Variants in LSM12 observed in about 807,000 individuals in gnomAD.
LSM12 encodes protein LSM12.
For missense variants in LSM12, 108 were observed against 238.9 expected (o/e 0.45, Z 3.61); for synonymous variants, 74 against 87.3 (o/e 0.85, Z 0.85).
At chr17:44,059,308 G>T (rs1027942439) in intron 2 of LSM12, among the ~76,000 whole-genome samples, 4 of 152,156 alleles carry the variant, frequency 2.6e-5, no homozygotes, top group Non-Finnish European at 4.4e-5. Flanking sequence ...AGGGGACTTG[G>T]CCAGGTGCAG....
At position 44,046,759 on chromosome 17, in the gene LSM12, CTTTTTTTTTTTT is replaced by C. The variant is rs35839029; in HGVS notation, c.259-6515_259-6504del. Reference sequence around the variant, plus strand: ...GTCAAACTGTTTTCTTTTTTTTTTTCTTTTTTTTTTTTTTTTGCTGGAGTGCAATGGCGCGAT... The same window carrying C: ...GTCAAACTGTTTTCTTTTTTTTTTTCTTTTGCTGGAGTGCAATGGCGCGAT... On this transcript the variant is annotated intron_variant, in intron 2 of 4. Transcript: ENST00000293406. 1.9e-3 allele frequency among the ~76,000 whole-genome samples: 131 copies of C among 68,388 alleles called. 1 individual carries two copies. In the East Asian group the frequency reaches 0.037, roughly 19 times the overall value. 44.9% of individuals were successfully genotyped at this position (68,388 alleles called of 152,430 possible). A position where few individuals can be genotyped will look rare whatever the true frequency, so the allele number is the denominator to read the frequency against.
intron 2 of LSM12, among the ~76,000 whole-genome samples, chr17:44,056,946 G>A (rs968985671): frequency 6.6e-5 from 10 of 151,882 alleles, no homozygotes; most frequent in Non-Finnish European, 1.0e-4. Flanking sequence ...AGCTGTAATC[G>A]TGCCATTGCA....
intron 1 of LSM12, among the ~76,000 whole-genome samples, chr17:44,065,178 T>G (rs1441337970): frequency 6.6e-6 from 1 of 151,558 alleles, no homozygotes; most frequent in Non-Finnish European, 1.5e-5. Flanking sequence ...CTCAGGCCTG[T>G]AATCCCAGCA....
intron 2 of LSM12, among the ~76,000 whole-genome samples, chr17:44,053,918 CT>C (rs2144098288): frequency 6.6e-6 from 1 of 152,266 alleles, no homozygotes; most frequent in African/African-American, 2.4e-5. Flanking sequence ...AGTTAGAATA[CT>C]GTTCTCTTAA....
intron 2 of LSM12, 93 bp downstream of exon 2, chr17:44,063,708 A>C: frequency 7.4e-7 from 1 of 1,346,422 alleles, no homozygotes; most frequent in Non-Finnish European, 9.8e-7. Context: ...CAATTTTAAA[A>C]AATAAAAAAT....
chr17:44,061,298 C>G (rs1003138483), intron 2 of LSM12, among the ~76,000 whole-genome samples: 1 of 94,646 alleles, frequency 1.1e-5, no homozygotes, highest in Non-Finnish European at 2.0e-5. Flanking sequence ...GCCTGGGCAA[C>G]AAGAGCGAAA....
chr17:44,066,341 G>A (rs930375952), intron 1 of LSM12, 123 bp downstream of exon 1: 1 of 1,301,560 alleles, frequency 7.7e-7, no homozygotes, highest in Non-Finnish European at 1.0e-6. Context: ...TGCGCCCCGG[G>A]CGCCGCGGTA....
upstream of LSM12, among the ~76,000 whole-genome samples, chr17:44,067,046 T>G (rs2049889582): frequency 6.6e-6 from 1 of 152,316 alleles, no homozygotes; most frequent in South Asian, 2.1e-4. Flanking sequence ...ACGCCTGTAA[T>G]CCCAGCACTT....
intron 2 of LSM12, among the ~76,000 whole-genome samples, chr17:44,049,070 A>G (rs555203026): frequency 2.8e-4 from 42 of 152,260 alleles, no homozygotes; most frequent in African/African-American, 9.9e-4. Context: ...GTGCACCTGT[A>G]GTCCCAGCTA....
intron 1 of LSM12, among the ~76,000 whole-genome samples, chr17:44,064,297 G>A (rs1443647687): frequency 6.6e-6 from 1 of 152,186 alleles, no homozygotes; most frequent in Non-Finnish European, 1.5e-5. Flanking sequence ...TTTCAGATGT[G>A]AGCTTTCCCA....
intron 2 of LSM12, among the ~76,000 whole-genome samples, chr17:44,060,843 C>T (rs2049786059): frequency 6.6e-6 from 1 of 152,176 alleles, no homozygotes; most frequent in Admixed American, 6.5e-5. Flanking sequence ...GCTTAACAGT[C>T]CCATCCACAC....
At chr17:44,041,286 A>ACAAAC (rs1555623711) in intron 2 of LSM12, among the ~76,000 whole-genome samples, 1,255 of 113,448 alleles carry the variant, frequency 0.011, 4 homozygotes, top group Non-Finnish European at 0.016. Context: ...AAAAAAAAAA[A>ACAAAC]ACAAACACAC....
intron 2 of LSM12, among the ~76,000 whole-genome samples, chr17:44,063,162 A>ATTTG (rs2049822725): frequency 6.6e-6 from 1 of 152,164 alleles, no homozygotes; most frequent in Non-Finnish European, 1.5e-5. Flanking sequence ...CAGAAGGCCG[A>ATTTG]GGCAGGAGGG....
At chr17:44,054,283 A>G (rs1339625970) in intron 2 of LSM12, among the ~76,000 whole-genome samples, 1 of 152,140 alleles carries the variant, frequency 6.6e-6, no homozygotes, top group Non-Finnish European at 1.5e-5. Context: ...ATTGAATGCC[A>G]CTGAATCTCA....
intron 2 of LSM12, among the ~76,000 whole-genome samples, chr17:44,062,747 G>A (rs1038671160): frequency 4.6e-5 from 7 of 152,026 alleles, no homozygotes; most frequent in Non-Finnish European, 7.4e-5. Flanking sequence ...ATTGAGCCAG[G>A]AGCAGTGGCT....
At chr17:44,041,284 A>ACAC (rs1290820141) in intron 2 of LSM12, among the ~76,000 whole-genome samples, 18 of 123,246 alleles carry the variant, frequency 1.5e-4, no homozygotes, top group Non-Finnish European at 1.6e-4. Flanking sequence ...AAAAAAAAAA[A>ACAC]AAACAAACAC....
chr17:44,044,022 CT>C (rs973100563), intron 2 of LSM12, among the ~76,000 whole-genome samples: 5 of 152,066 alleles, frequency 3.3e-5, no homozygotes, highest in African/African-American at 9.7e-5. Flanking sequence ...TTCTATAAAG[CT>C]TGTGTTGACT....
intron 2 of LSM12, among the ~76,000 whole-genome samples, chr17:44,042,062 G>A (rs533505500): frequency 2.0e-5 from 3 of 152,202 alleles, no homozygotes; most frequent in Non-Finnish European, 2.9e-5. Context: ...CGAGGCAGGC[G>A]GATCACCTGA....
intron 1 of LSM12, among the ~76,000 whole-genome samples, chr17:44,065,161 G>T (rs1439432751): frequency 2.0e-5 from 3 of 151,808 alleles, no homozygotes; most frequent in Non-Finnish European, 4.4e-5. Context: ...AAAAAGCCGG[G>T]CGGTGGCTCA....
Sources: gnomAD v4.1 joint callset for allele counts (sites outside exome capture counted in the v4.1 genomes callset) on GRCh38, gnomAD v4.1.1 for gene constraint, MANE v1.5 for transcripts, NCBI Gene and HGNC (gene_info 2026-07-23, HGNC 2026-07-21) for gene names.